Variants in CASP8 observed in about 807,000 individuals in gnomAD.
CASP8 encodes the protein caspase 8.
CASP8 carries 24 observed loss-of-function variants against 46.3 expected under a neutral mutation model. The observed-to-expected ratio is 0.52, with a 90% CI of 0.38 to 0.73. The LOEUF is 0.73. Ranked by LOEUF, CASP8 falls within the 30% of genes least tolerant of loss-of-function variation. CASP8 has a pLI of 0.00. For missense variants in CASP8, 460 were observed against 559.0 expected, an observed-to-expected ratio of 0.82 and a Z score of 1.79; for synonymous variants, 188 against 200.4, an observed-to-expected ratio of 0.94 and a Z score of 0.52.
chr2:201,245,798 T>C (rs1198181110), intron 2 of CASP8, among the ~76,000 whole-genome samples: 2 of 152,062 alleles, frequency 1.3e-5, no homozygotes, highest in Non-Finnish European at 2.9e-5. Context: ...TCCGCTTTGC[T>C]GCCCTTTCCT....
At chr2:201,261,716 C>T (rs1347630131) in intron 1 of CASP8, among the ~76,000 whole-genome samples, 1 of 152,158 alleles carries the variant, frequency 6.6e-6, no homozygotes, top group Non-Finnish European at 1.5e-5. Context: ...ATACTACCTG[C>T]CGGTTAGGGG....
chr2:201,242,470 T>C (rs563309190), intron 2 of CASP8: 1 of 152,298 alleles, frequency 6.6e-6, no homozygotes, highest in Admixed American at 6.5e-5. Context: ...GGATTTCTTT[T>C]ATAAGGCACT....
chr2:201,255,106 C>T (rs183713091), intron 2 of CASP8, among the ~76,000 whole-genome samples: 16 of 152,260 alleles, frequency 1.1e-4, no homozygotes, highest in East Asian at 5.8e-4. Flanking sequence ...TTTGTTGAGA[C>T]GGAGTGTCCC....
chr2:201,285,092 G>A lies in CASP8; in HGVS notation c.1079G>A (p.Cys360Tyr), dbSNP rs2125484869. Reference sequence around the variant, plus strand: ...CCCAAAGTGTTTTTTATTCAGGCTTGTCAGGGGGATAACTACCAGAAAGGT... The same window carrying A: ...CCCAAAGTGTTTTTTATTCAGGCTTATCAGGGGGATAACTACCAGAAAGGT... Reference protein sequence around the residue: ...GKPKVFFIQACQGDNYQKGIP... With the variant: ...GKPKVFFIQAYQGDNYQKGIP... The change falls in exon 8 of 9, where the codon TGT becomes TAT. Residue 360 changes from cysteine to tyrosine, a missense_variant. Cys to Tyr is a radical substitution (Grantham distance 194). Transcript: ENST00000673742. 1 of 1,614,158 alleles carries A rather than the reference G, an allele frequency of 6.2e-7. No individual in the cohort carries two copies. Among genetic ancestry groups the A allele is most frequent in the Non-Finnish European group, 8.5e-7 (1 of 1,180,028 alleles).
intron 1 of CASP8, among the ~76,000 whole-genome samples, chr2:201,263,897 A>G (rs1405070497): frequency 6.6e-6 from 1 of 152,224 alleles, no homozygotes; most frequent in East Asian, 1.9e-4. Flanking sequence ...AAAAATTCAA[A>G]CAGTACAAAC....
chr2:201,238,609 T>G (rs891691577), intron 2 of CASP8, among the ~76,000 whole-genome samples: 3 of 152,054 alleles, frequency 2.0e-5, no homozygotes, highest in Non-Finnish European at 2.9e-5. Context: ...GCCTGGCTAA[T>G]TTTTTGTATT....
At chr2:201,263,800 CT>C (rs1030951689) in intron 1 of CASP8, among the ~76,000 whole-genome samples, 2 of 152,150 alleles carry the variant, frequency 1.3e-5, no homozygotes, top group African/African-American at 4.8e-5. Context: ...TAGTTTAGAT[CT>C]TTTCCAGCAT....
At chr2:201,268,121 C>T (rs1054449055) in intron 2 of CASP8, among the ~76,000 whole-genome samples, 2 of 151,890 alleles carry the variant, frequency 1.3e-5, no homozygotes, top group Non-Finnish European at 2.9e-5. Context: ...GACGGAGTTC[C>T]ACCATGTTGG....
chr2:201,235,071 T>G (rs1485117649), intron 2 of CASP8, among the ~76,000 whole-genome samples: 1 of 152,210 alleles, frequency 6.6e-6, no homozygotes, highest in African/African-American at 2.4e-5. Context: ...GTTAATTGTG[T>G]TGTTCAAATC....
chr2:201,241,376 T>G (rs1946292860), intron 2 of CASP8: 1 of 152,080 alleles, frequency 6.6e-6, no homozygotes, highest in Non-Finnish European at 1.5e-5. Flanking sequence ...GAGGAGACAT[T>G]ACAACTGATG....
At position 201,272,185 on chromosome 2, in the gene CASP8, G is replaced by A. The variant is rs1576327813; in HGVS notation, c.412-453G>A. ...TATGCCCCTGTGTGTGTATCACTGA[G>A]TATACTCTGTGTGTGTTGTATCTGT... On this transcript the variant is annotated intron_variant, in intron 3 of 8. Transcript: ENST00000673742. The surrounding 1 kb of genome is among the most constrained non-coding windows in gnomAD (Gnocchi z 4.4). Among the ~76,000 whole-genome samples, 1 of 151,790 alleles carries A rather than the reference G, an allele frequency of 6.6e-6. No homozygotes were observed. Among genetic ancestry groups the A allele is most frequent in the Middle Eastern group, 3.4e-3 (1 of 294 alleles).
At chr2:201,276,732 A>G (rs1948655950) in intron 6 of CASP8, 95 bp from the exon 7 acceptor site, 1 of 1,541,284 alleles carries the variant, frequency 6.5e-7, no homozygotes, top group Non-Finnish European at 8.9e-7. Flanking sequence ...GGGTGGTGCA[A>G]TGGAAAGCAA....
intron 2 of CASP8, among the ~76,000 whole-genome samples, chr2:201,269,354 A>T (rs1948070606): frequency 6.6e-6 from 1 of 152,124 alleles, no homozygotes; most frequent in South Asian, 2.1e-4. Context: ...ACACTATTCA[A>T]CCAGTACACT....
At chr2:201,283,727 C>CCAGAGGGGCTCCTGGCT (rs1559372394) in intron 7 of CASP8, among the ~76,000 whole-genome samples, 6 of 75,296 alleles carry the variant, frequency 8.0e-5, no homozygotes, top group Admixed American at 3.0e-4. Flanking sequence ...GGCGGCTGGC[C>CCAGAGGGGCTCCTGGCT]GGGCAGAGGG....
chr2:201,234,509 G>A (rs567888291), intron 2 of CASP8, among the ~76,000 whole-genome samples: 1 of 152,088 alleles, frequency 6.6e-6, no homozygotes, highest in South Asian at 2.1e-4. Flanking sequence ...GAGTGCAGTG[G>A]CGCGATCTCA....
chr2:201,243,874 A>G (rs751817469), intron 2 of CASP8, among the ~76,000 whole-genome samples: 15 of 152,194 alleles, frequency 9.9e-5, no homozygotes, highest in South Asian at 2.1e-4. Context: ...TTATACACAA[A>G]GTCTGTTCAA....
intron 2 of CASP8, among the ~76,000 whole-genome samples, chr2:201,268,836 T>C (rs986767017): frequency 6.6e-6 from 1 of 152,066 alleles, no homozygotes; most frequent in South Asian, 2.1e-4. Context: ...CTTCTCTGTG[T>C]CTAAATCTCC....
chr2:201,239,390 C>G (rs566223717), intron 2 of CASP8, among the ~76,000 whole-genome samples: 4 of 152,032 alleles, frequency 2.6e-5, no homozygotes, highest in Non-Finnish European at 5.9e-5. Context: ...GCTGGCCGGG[C>G]GGGGGGCTGA....
chr2:201,235,565 T>G (rs867925909), intron 2 of CASP8, among the ~76,000 whole-genome samples: 1 of 152,224 alleles, frequency 6.6e-6, no homozygotes, highest in African/African-American at 2.4e-5. Context: ...TAATTATGCA[T>G]GCTTTTAGTA....
Sources: allele counts gnomAD v4.1 joint callset (sites outside exome capture counted in the v4.1 genomes callset), GRCh38; gene constraint gnomAD v4.1.1; non-coding constraint Gnocchi (gnomAD v3.1); transcripts MANE v1.5; gene names NCBI Gene and HGNC (gene_info 2026-07-23, HGNC 2026-07-21).